The following PLA2G4A variants were observed in gnomAD, a reference collection of about 807,000 sequenced individuals.
The protein encoded by PLA2G4A is phospholipase A2 group IVA.
PLA2G4A carries 40 observed loss-of-function variants against 81.9 expected under a neutral mutation model. The ratio of observed to expected loss-of-function variants is 0.49; its 90% CI spans 0.38 to 0.64. PLA2G4A has a LOEUF of 0.64. Among genes scored for constraint, PLA2G4A ranks in the 30% least tolerant of loss-of-function variants. The pLI, the probability that PLA2G4A is intolerant of heterozygous loss-of-function variation, is 0.00. For synonymous variants in PLA2G4A, 302 were observed against 296.9 expected (o/e 1.02, Z -0.18); for missense variants, 715 against 905.1 (o/e 0.79, Z 2.69).
rs76367492 is a variant in PLA2G4A at position 186,833,114 on chromosome 1, A to T, written c.-70+4079A>T. Among the ~76,000 whole-genome samples, 1,419 of 152,266 alleles carry T rather than the reference A, an allele frequency of 9.3e-3. 25 individuals carry two copies. The highest frequency in any genetic ancestry group is 0.033 in the African/African-American group (1,358 of 41,538). ...CTAAGGGTGGCGTGATGACTGTTCA[A>T]GTTTTGTAAGGCTGGGTGCAGTGGC... On this transcript the variant is annotated intron_variant, in intron 1 of 17. Coordinates refer to ENST00000367466, the MANE Select transcript of PLA2G4A (RefSeq NM_024420.3).
chr1:186,958,288 T>C (rs1202487459), intron 14 of PLA2G4A, among the ~76,000 whole-genome samples: 1 of 152,222 alleles, frequency 6.6e-6, no homozygotes, highest in East Asian at 1.9e-4. Context: ...TTCTAATTGT[T>C]ATAAAGTCAA....
intron 15 of PLA2G4A, among the ~76,000 whole-genome samples, chr1:186,971,356 T>C (rs909221686): frequency 6.6e-6 from 1 of 152,000 alleles, no homozygotes; most frequent in Non-Finnish European, 1.5e-5. Flanking sequence ...CTGTAGTACA[T>C]ATAGGCATTT....
intron 9 of PLA2G4A, among the ~76,000 whole-genome samples, chr1:186,939,508 AAAAAAT>A (rs994293427): frequency 7.3e-6 from 1 of 137,130 alleles, no homozygotes; most frequent in African/African-American, 3.0e-5. Flanking sequence ...AAAAAAAAAA[AAAAAAT>A]TCACATTTTA....
rs148051356 is a variant in PLA2G4A, at chr1:186,835,170, T to C, written c.-70+6135T>C. On this transcript the variant is annotated intron_variant, in intron 1 of 17. Transcript: ENST00000367466. The stretch of plus-strand genomic sequence containing the variant: ...ATTGACACACTTCTTATTTGCCCCA[T>C]ACTTTTATGCCCACAGTTTTGACAG... Among the ~76,000 whole-genome samples the C allele has an allele frequency of 2.6e-3, 395 of 152,294 alleles. 4 individuals carry two copies. Among genetic ancestry groups the C allele is most frequent in the African/African-American group, 9.3e-3 (388 of 41,562 alleles).
intron 3 of PLA2G4A, among the ~76,000 whole-genome samples, chr1:186,883,455 C>T (rs1182904725): frequency 6.6e-6 from 1 of 152,038 alleles, no homozygotes; most frequent in Non-Finnish European, 1.5e-5. Flanking sequence ...TAATGCATGT[C>T]ATGTGATATG....
intron 3 of PLA2G4A, among the ~76,000 whole-genome samples, chr1:186,885,267 A>G (rs1228891775): frequency 6.6e-6 from 1 of 152,182 alleles, no homozygotes; most frequent in African/African-American, 2.4e-5. Context: ...TGGCAGTCTC[A>G]TAAGAGGAAA....
At chr1:186,940,529 A>T (rs2102220994) in intron 10 of PLA2G4A, among the ~76,000 whole-genome samples, 1 of 152,296 alleles carries the variant, frequency 6.6e-6, no homozygotes, top group East Asian at 1.9e-4. Flanking sequence ...TACCAAATTC[A>T]GTGGCTGCTC....
chr1:186,988,525 G>T lies in PLA2G4A; in HGVS notation c.*17G>T. The T allele has an allele frequency of 6.2e-7, 1 of 1,608,172 alleles. No homozygotes were observed. The highest frequency in any genetic ancestry group is 1.1e-5 in the South Asian group (1 of 90,774). Reference sequence around the variant, plus strand: ...AAAGCATAGTTCATGTACTGGAAATGGCAGCAGTTTCTGATGCTGAGGCAG... The same window carrying T: ...AAAGCATAGTTCATGTACTGGAAATTGCAGCAGTTTCTGATGCTGAGGCAG... On this transcript the variant is annotated 3_prime_UTR_variant, in exon 18 of 18. Coordinates refer to ENST00000367466, the MANE Select transcript of PLA2G4A (RefSeq NM_024420.3).
chr1:186,974,850 T>A (rs1289008004), intron 15 of PLA2G4A, among the ~76,000 whole-genome samples: 1 of 152,208 alleles, frequency 6.6e-6, no homozygotes, highest in African/African-American at 2.4e-5. Flanking sequence ...CATGCTATAA[T>A]CACTGTATTT....
intron 7 of PLA2G4A, among the ~76,000 whole-genome samples, chr1:186,915,191 C>T (rs948678901): frequency 4.1e-4 from 63 of 152,098 alleles, no homozygotes; most frequent in African/African-American, 7.2e-5. Context: ...AACTACTTGC[C>T]CTTGATCATC....
At chr1:186,920,373 A>C (rs1655304862) in intron 7 of PLA2G4A, among the ~76,000 whole-genome samples, 1 of 152,186 alleles carries the variant, frequency 6.6e-6, no homozygotes, top group African/African-American at 2.4e-5. Flanking sequence ...AAGCCTGCTT[A>C]GTGGAAACTC....
chr1:186,900,626 T>C (rs976827323), intron 5 of PLA2G4A, among the ~76,000 whole-genome samples: 1 of 152,220 alleles, frequency 6.6e-6, no homozygotes, highest in Admixed American at 6.5e-5. Context: ...TAGTGGCCCA[T>C]TTTAAAGTGG....
chr1:186,950,598 A>C (rs1413860968), intron 12 of PLA2G4A, 59 bp from the exon 13 acceptor site: 4 of 910,772 alleles, frequency 4.4e-6, no homozygotes, highest in Non-Finnish European at 7.3e-6. Context: ...TTTTATATTA[A>C]AATTAATTGT....
intron 15 of PLA2G4A, among the ~76,000 whole-genome samples, chr1:186,971,576 G>A (rs1449701059): frequency 1.3e-5 from 2 of 151,742 alleles, no homozygotes; most frequent in Non-Finnish European, 2.9e-5. Flanking sequence ...CTTGTCTCTA[G>A]GTATGTACTT....
intron 2 of PLA2G4A, among the ~76,000 whole-genome samples, chr1:186,856,612 G>T (rs886763627): frequency 2.6e-5 from 4 of 151,800 alleles, no homozygotes; most frequent in Admixed American, 2.6e-4. Flanking sequence ...GGCTGGTATT[G>T]AACTCCTGAT....
intron 7 of PLA2G4A, 78 bp from the exon 8 acceptor site, chr1:186,932,685 C>T: frequency 7.3e-7 from 1 of 1,367,744 alleles, no homozygotes; most frequent in Non-Finnish European, 1.0e-6. Context: ...GGATGTATAA[C>T]ATAAAGATTG....
intron 16 of PLA2G4A, among the ~76,000 whole-genome samples, chr1:186,978,124 A>AG (rs1657595805): frequency 6.6e-6 from 1 of 152,194 alleles, no homozygotes; most frequent in African/African-American, 2.4e-5. Flanking sequence ...CCCTTATTTC[A>AG]GAAAAATCAT....
At chr1:186,975,981 A>T (rs1657515998) in intron 15 of PLA2G4A, among the ~76,000 whole-genome samples, 1 of 152,214 alleles carries the variant, frequency 6.6e-6, no homozygotes. Context: ...CCTATCTCTT[A>T]TGCTTAGAAC....
At chr1:186,903,526 T>C (rs1654622829) in intron 5 of PLA2G4A, among the ~76,000 whole-genome samples, 1 of 152,216 alleles carries the variant, frequency 6.6e-6, no homozygotes, top group Non-Finnish European at 1.5e-5. Context: ...GCTTCATCTG[T>C]ATTTACAGTA....
Sources: gnomAD v4.1 joint callset for allele counts (sites outside exome capture counted in the v4.1 genomes callset) on GRCh38, gnomAD v4.1.1 for gene constraint, MANE v1.5 for transcripts, NCBI Gene and HGNC (gene_info 2026-07-23, HGNC 2026-07-21) for gene names.